The following PIEZO1 variants were observed in gnomAD, a reference collection of about 807,000 sequenced individuals.
PIEZO1 encodes piezo-type mechanosensitive ion channel component 1.
Under a neutral mutation model 297.2 loss-of-function variants are expected in PIEZO1, and 296 were observed. The ratio of observed to expected loss-of-function variants is 1.00; its 90% confidence interval spans 0.91 to 1.10. The LOEUF (loss-of-function observed/expected upper bound fraction) is 1.10, where lower values mean the gene tolerates loss of function less well. Among genes scored for constraint, PIEZO1 ranks in the 50% least tolerant of loss-of-function variants. The pLI is 0.00. For synonymous variants in PIEZO1, 2,427 were observed against 1,507.5 expected (o/e 1.61, Z -14.13); for missense variants, 5,018 against 3,455.5 (o/e 1.45, Z -11.34).
rs2142764905 is a variant in PIEZO1 at position 88,721,431 on chromosome 16, C to G, written c.5404-1G>C. The G allele has an allele frequency of 6.5e-7, 1 of 1,546,168 alleles. No homozygotes were observed. The highest frequency in any genetic ancestry group is 8.7e-7 in the Non-Finnish European group (1 of 1,143,814). On this transcript the variant is annotated splice_acceptor_variant, in intron 38 of 50. Transcript: ENST00000301015. LOFTEE classifies it high-confidence loss of function. ...CCTCATGGTCCCAGAGGCCATAGCA[C>G]TGAGGGGCGGGAGGGTGTGGTGAGG...
intron 21 of PIEZO1, 52 bp from the exon 22 acceptor site, chr16:88,731,962 G>GCGGGGTGTGGGGATGC (rs1567670088): frequency 2.3e-4 from 27 of 119,994 alleles, no homozygotes; most frequent in South Asian, 3.7e-4. Context: ...TGGGGGGAGG[G>GCGGGGTGTGGGGATGC]ACTTTCTTGT....
At chr16:88,725,816 C>G in intron 27 of PIEZO1, 132 bp from the exon 28 acceptor site, 1 of 630,194 alleles carries the variant, frequency 1.6e-6, no homozygotes. Flanking sequence ...GAGGCACCCA[C>G]GGGGGAGGCA....
At position 88,736,659 on chromosome 16, in the gene PIEZO1, A is replaced by G. The variant is rs1567674665; in HGVS notation, c.1276T>C (p.Cys426Arg). The change falls in exon 11 of 51, where the codon TGC becomes CGC. Residue 426 changes from cysteine (C) to arginine (R), a missense_variant. Transcript: ENST00000301015. ...CCTACCATCATGGCAATGAGCGCGCACACATAGCTCTGGTCCATGATGAGG... is the reference window on the plus strand; with the variant it reads ...CCTACCATCATGGCAATGAGCGCGCGCACATAGCTCTGGTCCATGATGAGG... ...GHLIMDQSYVCALIAMMVWSI... is the reference protein window; with the variant it reads ...GHLIMDQSYVRALIAMMVWSI... 1 of 1,531,514 alleles carries G rather than the reference A, an allele frequency of 6.5e-7. No homozygotes were observed. The highest frequency in any genetic ancestry group is 8.7e-7 in the Non-Finnish European group (1 of 1,145,086). The allele number at this position is 1,531,514 out of a possible 1,614,324, so 94.9% of individuals were successfully genotyped here. A position where few individuals can be genotyped will look rare whatever the true frequency, so the allele number is the denominator to read the frequency against.
rs531225214 is a variant in PIEZO1 at position 88,732,186 on chromosome 16, G to A, written c.2991+149C>T. ...AGCACCGACACACCACAGGAGTCCA[G>A]GGAAGCCGTGCCTGGCCCTGAGTCC... On this transcript the variant is annotated intron_variant, in intron 21 of 50. Transcript: ENST00000301015. 1.5e-4 allele frequency: 101 copies of A among 664,670 alleles called. No individual in the cohort carries two copies. In the African/African-American group the frequency reaches 1.7e-3, roughly 11 times the overall value. 41.2% of individuals were successfully genotyped at this position (664,670 alleles called of 1,614,324 possible).
Position 88,722,401 on chromosome 16 carries a change from G to T in PIEZO1, c.4776-4C>A, listed in dbSNP as rs1406467229. 5.4e-6 allele frequency: 8 copies of T among 1,491,034 alleles called. No individual in the cohort carries two copies. Among genetic ancestry groups the T allele is most frequent in the Non-Finnish European group, 7.2e-6 (8 of 1,116,186 alleles). The allele number at this position is 1,491,034 out of a possible 1,614,324, so 92.4% of individuals were successfully genotyped here. On this transcript the variant is annotated splice_region_variant and splice_polypyrimidine_tract_variant and intron_variant, in intron 35 of 50. Coordinates refer to ENST00000301015, the MANE Select transcript of PIEZO1 (RefSeq NM_001142864.4). ...TGGCTCCTCCGCGCCCAGCCCACTG[G>T]GGAGGGAAGCCGAGTCACAGAGAAT...
chr16:88,761,805 C>G (rs1266309318), intron 1 of PIEZO1, among the ~76,000 whole-genome samples: 1 of 151,602 alleles, frequency 6.6e-6, no homozygotes, highest in African/African-American at 2.4e-5. Flanking sequence ...CGACCAGCAG[C>G]GCTGCCAGGG....
rs1803382 is a variant in PIEZO1 at position 88,716,692 on chromosome 16, T to C, written c.6793A>G (p.Ile2265Val). The change falls in exon 47 of 51, where the codon ATC becomes GTC. Residue 2265 changes from isoleucine (I) to valine (V), a missense_variant. Transcript: ENST00000301015. ...CTGCCCTCAATCTGCGCCGTGACGA[T>C]GTCCTCAGGGCTGTACTGGCTGATG... ...QFISQYSPED[I>V]VTAQIEGSSG... The C allele has an allele frequency of 0.3, 470,163 of 1,548,516 alleles. 74,593 individuals carry two copies. The highest frequency in any genetic ancestry group is 0.33 in the Non-Finnish European group (376,179 of 1,146,824).
chr16:88,771,796 T>C lies in PIEZO1; in HGVS notation c.64+13105A>G, dbSNP rs373957897. Among the ~76,000 whole-genome samples the C allele has an allele frequency of 8.2e-3, 643 of 78,736 alleles. 5 individuals carry two copies. In the East Asian group the frequency reaches 0.086, roughly 10 times the overall value. 51.7% of individuals were successfully genotyped at this position (78,736 alleles called of 152,430 possible). A position where few individuals can be genotyped will look rare whatever the true frequency, so the allele number is the denominator to read the frequency against. On this transcript the variant is annotated intron_variant, in intron 1 of 50. Transcript: ENST00000301015. ...GGCCCCAGGCCCTCCTGAGACTCTA[T>C]GCCCGTCCACCCGCGGCCCCAGGCC...
rs1597443920 is a variant in PIEZO1 at position 88,720,562 on chromosome 16, A to G, written c.5802-30T>C. 2.6e-6 allele frequency: 4 copies of G among 1,546,140 alleles called. No individual in the cohort carries two copies. In the East Asian group the frequency reaches 7.3e-5, roughly 28 times the overall value. On this transcript the variant is annotated intron_variant, in intron 40 of 50. Transcript: ENST00000301015. The stretch of plus-strand genomic sequence containing the variant: ...GGAAGGGGGCGCTCAGCCTGGGCCC[A>G]GTACCCGCCTCCCCACCCCCACTCC...
At chr16:88,749,103 G>A (rs910310184) in intron 2 of PIEZO1, among the ~76,000 whole-genome samples, 252 of 151,878 alleles carry the variant, frequency 1.7e-3, no homozygotes, top group African/African-American at 5.6e-3. Flanking sequence ...AGCCAGGCGT[G>A]GTGGCGGGCG....
At chr16:88,739,220 G>A (rs1365576401) in intron 5 of PIEZO1, 1 of 157,328 alleles carries the variant, frequency 6.4e-6, no homozygotes, top group Non-Finnish European at 1.4e-5. Flanking sequence ...GGAAGATAGG[G>A]GTGGTACTCC....
chr16:88,731,979 C>T, intron 21 of PIEZO1, 69 bp from the exon 22 acceptor site: 1 of 17,192 alleles, frequency 5.8e-5, no homozygotes, highest in Non-Finnish European at 9.1e-5. Context: ...TTGTCCCACC[C>T]AGCAGGCCTC....
intron 19 of PIEZO1, 87 bp downstream of exon 19, chr16:88,733,191 C>T (rs1382143226): frequency 4.7e-6 from 6 of 1,263,384 alleles, no homozygotes; most frequent in Admixed American, 2.1e-5. Context: ...GGCCCCACTG[C>T]ACTGAGGCAG....
At position 88,736,147 on chromosome 16, in the gene PIEZO1, C is replaced by T; in HGVS notation, c.1557+1G>A. ...CCCCGGATGTGGTGGTGCACACTCA[C>T]CATGGCACCAAGGTCCAGACAGGGG... On this transcript the variant is annotated splice_donor_variant, in intron 12 of 50. Coordinates refer to ENST00000301015, the MANE Select transcript of PIEZO1 (RefSeq NM_001142864.4). LOFTEE classifies it high-confidence loss of function. The T allele has an allele frequency of 1.3e-6, 2 of 1,543,278 alleles. No homozygotes were observed. The highest frequency in any genetic ancestry group is 1.7e-6 in the Non-Finnish European group (2 of 1,142,984).
chr16:88,721,024 T>G, intron 39 of PIEZO1, 142 bp downstream of exon 39: 5 of 894,966 alleles, frequency 5.6e-6, no homozygotes, highest in South Asian at 5.4e-5. Context: ...AGCCGGGAGC[T>G]GTGGCTCAGA....
rs577611566 is a variant in PIEZO1 at position 88,725,362 on chromosome 16, G to A, written c.4162+54C>T. 22 of 1,090,326 alleles carry A rather than the reference G, an allele frequency of 2.0e-5. No individual in the cohort carries two copies. The East Asian group carries it at 4.8e-4, about 24-fold the overall frequency. 67.5% of individuals were successfully genotyped at this position (1,090,326 alleles called of 1,614,324 possible). Reference sequence around the variant, plus strand: ...GGCACAGACGCAGCACACGCCAGCAGGCACAGACATGCTGGACACGGGGCC... The same window carrying A: ...GGCACAGACGCAGCACACGCCAGCAAGCACAGACATGCTGGACACGGGGCC... On this transcript the variant is annotated intron_variant, in intron 29 of 50. Coordinates refer to ENST00000301015, the MANE Select transcript of PIEZO1 (RefSeq NM_001142864.4).
At chr16:88,772,443 C>A (rs1907466503) in intron 1 of PIEZO1, among the ~76,000 whole-genome samples, 1 of 152,296 alleles carries the variant, frequency 6.6e-6, no homozygotes, top group East Asian at 1.9e-4. Flanking sequence ...CAGGCCCCAG[C>A]CCACAGGCAG....
rs541485211 is a variant in PIEZO1, at chr16:88,757,693, G to A, written c.65-8214C>T. Among the ~76,000 whole-genome samples, 777 of 152,260 alleles carry A rather than the reference G, an allele frequency of 5.1e-3. 6 individuals carry two copies. The highest frequency in any genetic ancestry group is 0.018 in the African/African-American group (732 of 41,548). On this transcript the variant is annotated intron_variant, in intron 1 of 50. Coordinates refer to ENST00000301015, the MANE Select transcript of PIEZO1 (RefSeq NM_001142864.4). ...GACCTGGGGGTTCCTGGCCCTGAAGGAGCCAGGCTGCGGGCCGGAGCTGGG... is the reference window on the plus strand; with the variant it reads ...GACCTGGGGGTTCCTGGCCCTGAAGAAGCCAGGCTGCGGGCCGGAGCTGGG...
rs904289669 is a variant in PIEZO1, at chr16:88,725,644, C to T, written c.4009G>A (p.Asp1337Asn). 13 of 1,549,478 alleles carry T rather than the reference C, an allele frequency of 8.4e-6. No homozygotes were observed. Among genetic ancestry groups the T allele is most frequent in the Middle Eastern group, 1.7e-4 (1 of 6,004 alleles). Residue 1337 changes from aspartate to asparagine, a missense_variant, in exon 28 of 51, where the codon GAC becomes AAC. Transcript: ENST00000301015. Reference protein sequence around the residue: ...LYNAANLKSIDFHRRIEEKSL... With the variant: ...LYNAANLKSINFHRRIEEKSL... ...TTCTCCTCTATCCTGCGGTGAAAGT[C>T]AATGCTCTTGAGGTTGGCAGCGTTG...
Sources: allele counts gnomAD v4.1 joint callset (sites outside exome capture counted in the v4.1 genomes callset), GRCh38; gene constraint gnomAD v4.1.1; transcripts MANE v1.5; gene names NCBI Gene and HGNC (gene_info 2026-07-23, HGNC 2026-07-21).